Variants in ITPR3 observed in about 807,000 individuals in gnomAD.
The protein encoded by ITPR3 is inositol 1,4,5-trisphosphate-gated calcium channel ITPR3.
ITPR3 carries 173 observed loss-of-function variants against 293.2 expected under a neutral mutation model. That is an observed-to-expected ratio of 0.59 (90% CI 0.52 to 0.67). The LOEUF is 0.67. Ranked by LOEUF, ITPR3 falls within the 30% of genes least tolerant of loss-of-function variation. ITPR3 has a pLI of 0.00. For missense variants in ITPR3, 2,796 were observed against 3,592.1 expected, an observed-to-expected ratio of 0.78 and a Z score of 5.66; for synonymous variants, 1,295 against 1,444.4, an observed-to-expected ratio of 0.90 and a Z score of 2.35.
In ITPR3 at chr6:33,668,398, AGGGAGCTAGT is replaced by A. The variant is rs1353512072; in HGVS notation, c.1887-116_1887-107del. 1.0e-5 allele frequency: 14 copies of A among 1,344,848 alleles called. No individual in the cohort carries two copies. In the African/African-American group the frequency reaches 2.0e-4, roughly 19 times the overall value. The allele number at this position is 1,344,848 out of a possible 1,614,324, so 83.3% of individuals were successfully genotyped here. ...ATCCCACCCATCTCTAAGCCTTGGGAGGGAGCTAGTTCCAGGGTGGCGGTGCTGCCAGCTG... is the reference window on the plus strand; with the variant it reads ...ATCCCACCCATCTCTAAGCCTTGGGATCCAGGGTGGCGGTGCTGCCAGCTG... On this transcript the variant is annotated intron_variant, in intron 16 of 57. Transcript: ENST00000605930.
rs1765435182 is a variant in ITPR3 at position 33,692,973 on chromosome 6, C to A, written c.7624+80C>A. ...ATGCCAGTGGCAGTAGCGGTTTGGC[C>A]CTTCCTGCCCTGGGGAACCCTGGCC... On this transcript the variant is annotated intron_variant, in intron 55 of 57. Transcript: ENST00000605930. This position sits in a 1 kb window ranked among gnomAD's most constrained non-coding sequence, Gnocchi z 4.2. The A allele has an allele frequency of 1.4e-6, 2 of 1,457,618 alleles. No individual in the cohort carries two copies. The highest frequency in any genetic ancestry group is 1.9e-5 in the Admixed American group (1 of 52,610). The allele number at this position is 1,457,618 out of a possible 1,614,324, so 90.3% of individuals were successfully genotyped here. A position where few individuals can be genotyped will look rare whatever the true frequency, so the allele number is the denominator to read the frequency against.
Position 33,654,261 on chromosome 6 carries a change from G to A in ITPR3, c.161-1505G>A, listed in dbSNP as rs1011789239. 6.6e-6 allele frequency among the ~76,000 whole-genome samples: 1 copy of A among 151,806 alleles called. No individual in the cohort carries two copies. On this transcript the variant is annotated intron_variant, in intron 2 of 57. Coordinates refer to ENST00000605930, the MANE Select transcript of ITPR3 (RefSeq NM_002224.4). This position sits in a 1 kb window ranked among gnomAD's most constrained non-coding sequence, Gnocchi z 4.1. ...CCAGCCTGAGCTACAGAGTGAGACC[G>A]TGTCTCAAAAAAAATAAGAAAAATA...
chr6:33,672,278 A>C lies in ITPR3; in HGVS notation c.2928+50A>C. On this transcript the variant is annotated intron_variant, in intron 22 of 57. Transcript: ENST00000605930. The surrounding 1 kb of genome is among the most constrained non-coding windows in gnomAD (Gnocchi z 5.0). Reference sequence around the variant, plus strand: ...AGGTGTTGGGTATAGGGGGAGGGTAATGGGGCGGGTACAGGGAGGCTGGGC... The same window carrying C: ...AGGTGTTGGGTATAGGGGGAGGGTACTGGGGCGGGTACAGGGAGGCTGGGC... The C allele has an allele frequency of 2.1e-5, 15 of 717,070 alleles. No homozygotes were observed. Among genetic ancestry groups the C allele is most frequent in the Non-Finnish European group, 2.8e-5 (12 of 424,404 alleles). 44.4% of individuals were successfully genotyped at this position (717,070 alleles called of 1,614,324 possible).
Position 33,686,427 on chromosome 6 carries a change from G to T in ITPR3, c.5887G>T (p.Glu1963Ter). The change falls in exon 43 of 58, where the codon GAG (glutamate) becomes TAG (stop). Residue 1963 changes from glutamate (E) to a stop codon, truncating the protein, a stop_gained. Coordinates refer to ENST00000605930, the MANE Select transcript of ITPR3 (RefSeq NM_002224.4). LOFTEE classifies it high-confidence loss of function. Reference protein sequence around the residue: ...HENQTCIVTHESNGIDIITAL... With the variant: ...HENQTCIVTH ...CTGCCAGACTTGCATTGTGACTCAC[G>T]AGTCCAATGGCATAGACATCATCAC... 2 of 1,614,118 alleles carry T rather than the reference G, an allele frequency of 1.2e-6. No individual in the cohort carries two copies. The highest frequency in any genetic ancestry group is 2.2e-5 in the South Asian group (2 of 91,084).
chr6:33,672,432 T>C lies in ITPR3; in HGVS notation c.2928+204T>C, dbSNP rs959676520. On this transcript the variant is annotated intron_variant, in intron 22 of 57. Coordinates refer to ENST00000605930, the MANE Select transcript of ITPR3 (RefSeq NM_002224.4). This position sits in a 1 kb window ranked among gnomAD's most constrained non-coding sequence, Gnocchi z 5.0. ...CCTGGGAGCTTGTTAGAAGTGCACA[T>C]TCTCGGTTGTGCGCAGTGACTCACG... Among the ~76,000 whole-genome samples, 1 of 151,992 alleles carries C rather than the reference T, an allele frequency of 6.6e-6. No homozygotes were observed. Among genetic ancestry groups the C allele is most frequent in the Non-Finnish European group, 1.5e-5 (1 of 67,974 alleles).
rs116443104 is a variant in ITPR3 at position 33,694,698 on chromosome 6, C to T, written c.7786-226C>T. On this transcript the variant is annotated intron_variant, in intron 56 of 57. Transcript: ENST00000605930. ...AAACTCAGCTGCCGACGCTGCCTAACGGAAGTCAGCCTGTCTCGGTGGCAG... is the reference window on the plus strand; with the variant it reads ...AAACTCAGCTGCCGACGCTGCCTAATGGAAGTCAGCCTGTCTCGGTGGCAG... The T allele has an allele frequency of 1.7e-3, 927 of 550,648 alleles. 12 individuals are homozygous for T. Among genetic ancestry groups the T allele is most frequent in the African/African-American group, 0.015 (789 of 52,124 alleles). The allele number at this position is 550,648 out of a possible 1,614,324, so 34.1% of individuals were successfully genotyped here.
At chr6:33,644,366 G>A (rs145390955) in intron 2 of ITPR3, among the ~76,000 whole-genome samples, 4 of 149,966 alleles carry the variant, frequency 2.7e-5, no homozygotes, top group Admixed American at 6.7e-5. Context: ...CAGGCAATCC[G>A]CCCGTCTCGG....
At chr6:33,676,352 C>T (rs1369971536) in intron 25 of ITPR3, among the ~76,000 whole-genome samples, 4 of 152,232 alleles carry the variant, frequency 2.6e-5, no homozygotes, top group Admixed American at 1.3e-4. Flanking sequence ...AATCCAGGCC[C>T]AGGGAGCTTT....
In ITPR3 at chr6:33,669,114, G is replaced by A. The variant is rs373777173; in HGVS notation, c.2147G>A (p.Arg716Gln). The A allele has an allele frequency of 3.7e-6, 6 of 1,613,998 alleles. No individual in the cohort carries two copies. The highest frequency in any genetic ancestry group is 1.1e-5 in the South Asian group (1 of 91,072). Residue 716 changes from arginine (R) to glutamine (Q), a missense_variant, in exon 18 of 58, where the codon CGG (arginine) becomes CAG (glutamine). Arg to Gln is a conservative substitution (Grantham distance 43, BLOSUM62 1). Around this residue, in one of 8 missense-constraint regions of ITPR3, gnomAD observed 955 missense variants for 1,180.8 expected, o/e 0.81. Coordinates refer to ENST00000605930, the MANE Select transcript of ITPR3 (RefSeq NM_002224.4). The stretch of plus-strand genomic sequence containing the variant: ...GTGAGGCAGCTGGCCCAGGAGGCGC[G>A]GGCCGGCAACGCCCACGACGAGAAT... ...KSVRQLAQEA[R>Q]AGNAHDENVL...
At position 33,658,978 on chromosome 6, in the gene ITPR3, G is replaced by T; in HGVS notation, c.529-43G>T. On this transcript the variant is annotated intron_variant, in intron 5 of 57. Transcript: ENST00000605930. This position sits in a 1 kb window ranked among gnomAD's most constrained non-coding sequence, Gnocchi z 6.1. Reference sequence around the variant, plus strand: ...AGGCCTGGAGGCGTGGTGACAAGAGGGCCCTGCCCTTCCCACCTAACCTGT... The same window carrying T: ...AGGCCTGGAGGCGTGGTGACAAGAGTGCCCTGCCCTTCCCACCTAACCTGT... The T allele has an allele frequency of 6.2e-7, 1 of 1,606,156 alleles. No homozygotes were observed.
intron 2 of ITPR3, among the ~76,000 whole-genome samples, chr6:33,648,638 C>A (rs905489757): frequency 6.6e-5 from 10 of 151,622 alleles, no homozygotes; most frequent in Non-Finnish European, 1.3e-4. Context: ...GAGACAGGGT[C>A]TGGAGTGCAG....
At position 33,621,773 on chromosome 6, in the gene ITPR3, C is replaced by T. The variant is rs572575001; in HGVS notation, c.89+82C>T. 43 of 1,063,190 alleles carry T rather than the reference C, an allele frequency of 4.0e-5. 2 individuals carry two copies. In the South Asian group the frequency reaches 5.5e-4, roughly 13 times the overall value. The allele number at this position is 1,063,190 out of a possible 1,614,324, so 65.9% of individuals were successfully genotyped here. Reference sequence around the variant, plus strand: ...GTGCCAGCTGCGTGCGTCCAGCCGCCGCCCCCCGATAGAGGCCTGGACGTC... The same window carrying T: ...GTGCCAGCTGCGTGCGTCCAGCCGCTGCCCCCCGATAGAGGCCTGGACGTC... On this transcript the variant is annotated intron_variant, in intron 1 of 57. Transcript: ENST00000605930. The surrounding 1 kb of genome is among the most constrained non-coding windows in gnomAD (Gnocchi z 7.7).
rs1443938140 is a variant in ITPR3, at chr6:33,665,940, G to A, written c.1515G>A (p.Arg505=). 1 of 1,613,552 alleles carries A rather than the reference G, an allele frequency of 6.2e-7. No homozygotes were observed. Among genetic ancestry groups the A allele is most frequent in the Admixed American group, 1.7e-5 (1 of 59,974 alleles). ...TGGTCACTAAGCCCAACCGGGAACGGCAGAAGCTGATGAGGGAGCAGAACA... is the reference window on the plus strand; with the variant it reads ...TGGTCACTAAGCCCAACCGGGAACGACAGAAGCTGATGAGGGAGCAGAACA... ...DIMVTKPNRE[R]QKLMREQNIL... is the part of the protein sequence containing the mutation. The change falls in exon 14 of 58, where the codon CGG becomes CGA. Residue 505 remains arginine, a synonymous_variant. Transcript: ENST00000605930.
At position 33,683,580 on chromosome 6, in the gene ITPR3, TG is replaced by T. The variant is rs1195746615; in HGVS notation, c.4788+187del. On this transcript the variant is annotated intron_variant, in intron 35 of 57. Coordinates refer to ENST00000605930, the MANE Select transcript of ITPR3 (RefSeq NM_002224.4). The surrounding 1 kb of genome is among the most constrained non-coding windows in gnomAD (Gnocchi z 4.5). ...AAGGGCCGACCCAGCAGCAAGGGAC[TG>T]GGGAACCTCCTTCCAGAGGAAGCCT... Among the ~76,000 whole-genome samples the T allele has an allele frequency of 5.9e-5, 9 of 152,116 alleles. No homozygotes were observed. The highest frequency in any genetic ancestry group is 8.8e-5 in the Non-Finnish European group (6 of 67,996).
intron 3 of ITPR3, 117 bp from the exon 4 acceptor site, chr6:33,657,815 C>CTGTG (rs3831080): frequency 4.5e-5 from 32 of 708,826 alleles, no homozygotes; most frequent in East Asian, 1.9e-4. Flanking sequence ...TCCAGGGTGA[C>CTGTG]TGTGTGTGTG....
chr6:33,681,920 C>T (rs9461896), intron 33 of ITPR3, among the ~76,000 whole-genome samples: 40,853 of 151,508 alleles, frequency 0.27, 6,300 homozygotes, highest in African/African-American at 0.41. Context: ...TCACTTGGTG[C>T]CCCAGGCTAG....
chr6:33,689,317 C>G lies in ITPR3; in HGVS notation c.6774C>G (p.Arg2258=), dbSNP rs1225048804. 6.2e-7 allele frequency: 1 copy of G among 1,612,890 alleles called. No homozygotes were observed. The highest frequency in any genetic ancestry group is 8.5e-7 in the Non-Finnish European group (1 of 1,180,034). Residue 2258 remains arginine, a synonymous_variant, in exon 50 of 58, where the codon CGC becomes CGG. Transcript: ENST00000605930. ...CFSIAALFTK[R]YSIRPLIVAL... is the part of the protein sequence containing the mutation. The stretch of plus-strand genomic sequence containing the variant: ...CCATCGCGGCCCTGTTCACCAAGCG[C>G]TACAGCATCCGCCCCCTCATCGTGG...
intron 2 of ITPR3, among the ~76,000 whole-genome samples, chr6:33,647,176 A>G: frequency 6.6e-6 from 1 of 152,076 alleles, no homozygotes; most frequent in Non-Finnish European, 1.5e-5. Flanking sequence ...GCGTGCCACC[A>G]TGCTTGGCTA....
chr6:33,637,409 C>A (rs1394329970), intron 1 of ITPR3, among the ~76,000 whole-genome samples: 4 of 152,198 alleles, frequency 2.6e-5, no homozygotes, highest in Non-Finnish European at 5.9e-5. Flanking sequence ...CCAGGGGTGA[C>A]CCCCTCCCAG....
Sources: allele counts gnomAD v4.1 joint callset (sites outside exome capture counted in the v4.1 genomes callset), GRCh38; gene constraint gnomAD v4.1.1; regional missense constraint gnomAD v4.1.1; non-coding constraint Gnocchi (gnomAD v3.1); transcripts MANE v1.5; gene names NCBI Gene and HGNC (gene_info 2026-07-23, HGNC 2026-07-21).